The following EPM2A variants were observed in gnomAD, a reference collection of about 807,000 sequenced individuals.
EPM2A encodes the protein laforin.
A neutral mutation model predicts 26.5 loss-of-function variants in EPM2A; 21 were observed. That is an observed-to-expected ratio of 0.79 (90% confidence interval 0.56 to 1.14). The LOEUF (loss-of-function observed/expected upper bound fraction) is 1.14, where lower values mean the gene tolerates loss of function less well. Ranked by LOEUF, EPM2A falls within the 50% of genes most tolerant of loss-of-function variation. The pLI, the probability that EPM2A is intolerant of heterozygous loss-of-function variation, is 0.00. For missense variants in EPM2A, 458 were observed against 440.8 expected, an observed-to-expected ratio of 1.04 and a Z score of -0.35; for synonymous variants, 217 against 177.6, an observed-to-expected ratio of 1.22 and a Z score of -1.76.
At chr6:145,607,645 T>G (rs1739137732) in intron 2 of EPM2A, among the ~76,000 whole-genome samples, 1 of 152,060 alleles carries the variant, frequency 6.6e-6, no homozygotes, top group South Asian at 2.1e-4. Context: ...TGAAATTTGG[T>G]CTTGCAATAA....
At chr6:145,592,118 G>A (rs148637007) in intron 2 of EPM2A, among the ~76,000 whole-genome samples, 4,680 of 150,680 alleles carry the variant, frequency 0.031, 89 homozygotes, top group African/African-American at 0.055. Flanking sequence ...CCGTTAACTC[G>A]TCATTTACAT....
chr6:145,722,855 C>A, intron 1 of EPM2A: 1 of 406,946 alleles, frequency 2.5e-6, no homozygotes, highest in South Asian at 1.8e-5. Context: ...GAGAAGATAG[C>A]CATCTATAAA....
intron 1 of EPM2A, 131 bp downstream of exon 1, chr6:145,735,067 A>C: frequency 1.9e-6 from 1 of 530,092 alleles, no homozygotes; most frequent in Admixed American, 4.6e-5. Context: ...GGGAGTGCGC[A>C]GGGACGCGGG....
intron 1 of EPM2A, among the ~76,000 whole-genome samples, chr6:145,687,262 T>C (rs1780989282): frequency 6.6e-6 from 1 of 151,408 alleles, no homozygotes; most frequent in Admixed American, 6.6e-5. Context: ...TGTTCCACCA[T>C]GTGAGAACAC....
intron 4 of EPM2A, among the ~76,000 whole-genome samples, chr6:145,485,368 T>C (rs1779659079): frequency 6.6e-6 from 1 of 152,064 alleles, no homozygotes; most frequent in African/African-American, 2.4e-5. Context: ...CTCCATGAGA[T>C]CACTAGTGAA....
chr6:145,400,417 G>T (rs1778466949), intron 4 of EPM2A, among the ~76,000 whole-genome samples: 1 of 152,140 alleles, frequency 6.6e-6, no homozygotes, highest in South Asian at 2.1e-4. Context: ...TTTCTTAAGA[G>T]TTAAACAGAA....
chr6:145,717,699 G>GA (rs1311503161), intron 1 of EPM2A, among the ~76,000 whole-genome samples: 1 of 150,280 alleles, frequency 6.7e-6, no homozygotes, highest in Non-Finnish European at 1.5e-5. Flanking sequence ...CAGACGACAT[G>GA]ATTGTATATC....
At chr6:145,700,159 A>G (rs1003258455) in intron 1 of EPM2A, among the ~76,000 whole-genome samples, 3 of 152,148 alleles carry the variant, frequency 2.0e-5, no homozygotes, top group Non-Finnish European at 4.4e-5. Flanking sequence ...AGATCAACCT[A>G]TTAAAATGTG....
chr6:145,562,509 T>C (rs1040452050), intron 2 of EPM2A, among the ~76,000 whole-genome samples: 5 of 152,098 alleles, frequency 3.3e-5, no homozygotes, highest in Admixed American at 6.6e-5. Context: ...TAAATAATAG[T>C]CCACAAACTC....
rs560952947 is a variant in EPM2A at position 145,433,348 on chromosome 6, T to C, written c.556-49251A>G. 1.5e-4 allele frequency among the ~76,000 whole-genome samples: 23 copies of C among 152,314 alleles called. No homozygotes were observed. In the South Asian group the frequency reaches 4.6e-3, roughly 30 times the overall value. On this transcript the variant is annotated intron_variant, in intron 4 of 4. Coordinates refer to the EPM2A transcript ENST00000638717. ...AAGCTTTCACCGGGCTTAGTCTATT[T>C]ATATATAATGTAATTGTGATGTTTG... is the stretch of plus-strand genomic sequence containing the variant.
chr6:145,511,554 C>T lies in EPM2A; in HGVS notation c.341-8979G>A, dbSNP rs148365216. Among the ~76,000 whole-genome samples, 414 of 152,236 alleles carry T rather than the reference C, an allele frequency of 2.7e-3. 1 individual carries two copies. The highest frequency in any genetic ancestry group is 8.1e-3 in the African/African-American group (335 of 41,570). ...ACAGCATTTGATAAAATCCAACATC[C>T]TTTCATGATAAAAACCCTTAACAAA... is the stretch of plus-strand genomic sequence containing the variant. On this transcript the variant is annotated intron_variant, in intron 2 of 3. Coordinates refer to the EPM2A transcript ENST00000450221.
chr6:145,466,307 A>G (rs1207598073), intron 4 of EPM2A, among the ~76,000 whole-genome samples: 6 of 152,004 alleles, frequency 3.9e-5, no homozygotes, highest in Admixed American at 6.6e-5. Flanking sequence ...AAAAAAACAA[A>G]CAACCCCATC....
intron 1 of EPM2A, among the ~76,000 whole-genome samples, chr6:145,723,384 T>A (rs1334458817): frequency 1.3e-5 from 2 of 152,068 alleles, no homozygotes; most frequent in Non-Finnish European, 2.9e-5. Context: ...ACAAATAATC[T>A]AATTTCACAA....
intron 2 of EPM2A, chr6:145,670,846 T>C (rs1049063564): frequency 8.7e-5 from 81 of 927,748 alleles, no homozygotes; most frequent in Admixed American, 2.5e-4. Context: ...ATTATTCAGA[T>C]AGAAAAAAGG....
At chr6:145,536,380 C>G (rs755960235) in intron 2 of EPM2A, among the ~76,000 whole-genome samples, 1 of 152,086 alleles carries the variant, frequency 6.6e-6, no homozygotes, top group East Asian at 1.9e-4. Context: ...ACTGCAACCT[C>G]CAGCTCCCAG....
chr6:145,686,518 C>T (rs926904704), intron 1 of EPM2A, among the ~76,000 whole-genome samples: 1 of 152,096 alleles, frequency 6.6e-6, no homozygotes, highest in Non-Finnish European at 1.5e-5. Flanking sequence ...CCTTTGAGTA[C>T]ATGGGTTATA....
chr6:145,496,868 G>A (rs902878851), downstream of EPM2A, among the ~76,000 whole-genome samples: 2 of 151,824 alleles, frequency 1.3e-5, no homozygotes, highest in African/African-American at 2.4e-5. Context: ...CTCCCGAGTA[G>A]CTGGGACTAC....
chr6:145,402,735 C>A (rs191896282), intron 4 of EPM2A, among the ~76,000 whole-genome samples: 1 of 152,180 alleles, frequency 6.6e-6, no homozygotes, highest in African/African-American at 2.4e-5. Flanking sequence ...TTTGGTCTAC[C>A]TGGGTGAATT....
chr6:145,399,954 G>A (rs1348586856), intron 4 of EPM2A, among the ~76,000 whole-genome samples: 1 of 152,042 alleles, frequency 6.6e-6, no homozygotes, highest in African/African-American at 2.4e-5. Flanking sequence ...AAATGTTTAT[G>A]TTCTGTATAA....
Sources: allele counts gnomAD v4.1 joint callset (sites outside exome capture counted in the v4.1 genomes callset), GRCh38; gene constraint gnomAD v4.1.1; transcripts MANE v1.5; gene names NCBI Gene and HGNC (gene_info 2026-07-23, HGNC 2026-07-21).